The following BIRC6 variants were observed in gnomAD, a reference collection of about 807,000 sequenced individuals.
BIRC6 encodes the protein baculoviral IAP repeat containing 6.
A neutral mutation model predicts 503.3 loss-of-function variants in BIRC6; 98 were observed. That is an observed-to-expected ratio of 0.19 (90% CI 0.17 to 0.23). The LOEUF (loss-of-function observed/expected upper bound fraction) is 0.23. Among genes scored for constraint, BIRC6 ranks in the 10% least tolerant of loss-of-function variants. The pLI, the probability that BIRC6 is intolerant of heterozygous loss-of-function variation, is 1.00. For missense variants in BIRC6, 5,360 were observed against 5,806.0 expected (o/e 0.92, Z 2.50); for synonymous variants, 2,240 against 2,078.7 (o/e 1.08, Z -2.11).
intron 51 of BIRC6, 66 bp from the exon 52 acceptor site, chr2:32,509,672 T>G (rs1572705068): frequency 1.3e-6 from 2 of 1,567,058 alleles, no homozygotes; most frequent in African/African-American, 1.4e-5. Flanking sequence ...CTTTAAAAAG[T>G]TATGTTCTAC....
chr2:32,415,544 A>G lies in BIRC6; in HGVS notation c.2253A>G (p.Thr751=). The G allele has an allele frequency of 1.9e-6, 3 of 1,614,040 alleles. No homozygotes were observed. The highest frequency in any genetic ancestry group is 2.5e-6 in the Non-Finnish European group (3 of 1,179,910). Residue 751 remains threonine, a synonymous_variant, in exon 10 of 74, where the codon ACA becomes ACG. Transcript: ENST00000421745. ...DGIHLLVGLR[T]CPVESLSAIN... Reference sequence around the variant, plus strand: ...TTCATTTGTTGGTAGGACTGCGGACATGCCCTGTTGAATCCTTGAGTGCAA... The same window carrying G: ...TTCATTTGTTGGTAGGACTGCGGACGTGCCCTGTTGAATCCTTGAGTGCAA...
At chr2:32,556,442 C>G (rs1489330575) in intron 65 of BIRC6, among the ~76,000 whole-genome samples, 1 of 152,164 alleles carries the variant, frequency 6.6e-6, no homozygotes, top group Admixed American at 6.5e-5. Flanking sequence ...ATATTGTCAC[C>G]TTTCACACTG....
chr2:32,369,497 G>T (rs559939266), intron 1 of BIRC6, among the ~76,000 whole-genome samples: 1 of 146,640 alleles, frequency 6.8e-6, no homozygotes, highest in Non-Finnish European at 1.5e-5. Flanking sequence ...GTGTGATCTC[G>T]GCTCACTACA....
At chr2:32,465,415 T>C (rs971712370) in intron 26 of BIRC6, among the ~76,000 whole-genome samples, 7 of 152,084 alleles carry the variant, frequency 4.6e-5, no homozygotes, top group African/African-American at 1.2e-4. Flanking sequence ...TGATACATTA[T>C]TGACATAAAT....
rs547339120 is a variant in BIRC6 at position 32,357,106 on chromosome 2, T to C, written c.-56T>C. The C allele has an allele frequency of 6.5e-6, 9 of 1,385,396 alleles. No homozygotes were observed. In the South Asian group the frequency reaches 1.1e-4, roughly 16 times the overall value. The allele number at this position is 1,385,396 out of a possible 1,614,324, so 85.8% of individuals were successfully genotyped here. A position where few individuals can be genotyped will look rare whatever the true frequency, so the allele number is the denominator to read the frequency against. On this transcript the variant is annotated 5_prime_UTR_variant, in exon 1 of 74. Coordinates refer to ENST00000421745, the MANE Select transcript of BIRC6 (RefSeq NM_016252.4). The surrounding 1 kb of genome is among the most constrained non-coding windows in gnomAD (Gnocchi z 4.9). Reference sequence around the variant, plus strand: ...CCGGGCGATCGACGTTCCGCGTGCGTGCGGGCGCCTGACTTCACTTCCGGC... The same window carrying C: ...CCGGGCGATCGACGTTCCGCGTGCGCGCGGGCGCCTGACTTCACTTCCGGC...
At chr2:32,528,315 C>T (rs1260604162) in intron 59 of BIRC6, 1 of 152,300 alleles carries the variant, frequency 6.6e-6, no homozygotes, top group East Asian at 1.9e-4. Flanking sequence ...CCTCCGCCTC[C>T]TGGGTTCAAG....
intron 57 of BIRC6, chr2:32,522,417 T>C (rs1464820466): frequency 1.3e-5 from 2 of 152,154 alleles, no homozygotes; most frequent in African/African-American, 2.4e-5. Context: ...TCTTTGTAAG[T>C]AGGATCAGAG....
At chr2:32,591,077 A>G (rs1271425746) in intron 66 of BIRC6, 2 of 686,780 alleles carry the variant, frequency 2.9e-6, no homozygotes, top group Non-Finnish European at 3.6e-6. Context: ...ATGTCAGACA[A>G]TGACTAGTTA....
chr2:32,584,803 A>G (rs1040196731), intron 66 of BIRC6, among the ~76,000 whole-genome samples: 1 of 152,268 alleles, frequency 6.6e-6, no homozygotes, highest in Non-Finnish European at 1.5e-5. Flanking sequence ...GAAGAAAAAA[A>G]CTTAGTATTC....
At chr2:32,381,191 C>G (rs577427751) in intron 3 of BIRC6, among the ~76,000 whole-genome samples, 1 of 152,128 alleles carries the variant, frequency 6.6e-6, no homozygotes, top group Non-Finnish European at 1.5e-5. Context: ...GCAGTTGTAA[C>G]TATACTAAAA....
intron 23 of BIRC6, among the ~76,000 whole-genome samples, chr2:32,457,629 AT>A (rs2047396703): frequency 6.6e-6 from 1 of 152,012 alleles, no homozygotes; most frequent in East Asian, 1.9e-4. Flanking sequence ...CATTATTATA[AT>A]TTTTTATATT....
chr2:32,569,616 C>A (rs931936367), intron 65 of BIRC6, among the ~76,000 whole-genome samples: 1 of 151,996 alleles, frequency 6.6e-6, no homozygotes, highest in African/African-American at 2.4e-5. Flanking sequence ...GAGCTGTCTT[C>A]CAGCCTGGAC....
At chr2:32,399,310 T>C (rs575883475) in intron 6 of BIRC6, among the ~76,000 whole-genome samples, 14 of 152,350 alleles carry the variant, frequency 9.2e-5, no homozygotes, top group African/African-American at 3.4e-4. Context: ...GGTCTGGAAC[T>C]CCTGACCTCA....
intron 15 of BIRC6, among the ~76,000 whole-genome samples, chr2:32,437,905 TGA>T (rs2044913297): frequency 6.6e-6 from 1 of 152,216 alleles, no homozygotes; most frequent in Admixed American, 6.5e-5. Context: ...TTTTGTTCAA[TGA>T]GAGTGTGCAT....
chr2:32,581,986 G>A (rs941694709), intron 66 of BIRC6, among the ~76,000 whole-genome samples: 1 of 152,048 alleles, frequency 6.6e-6, no homozygotes, highest in African/African-American at 2.4e-5. Context: ...AGCCTCCCCA[G>A]TAGCTGGGAT....
At chr2:32,544,786 G>A (rs2057938241) in intron 62 of BIRC6, among the ~76,000 whole-genome samples, 2 of 151,192 alleles carry the variant, frequency 1.3e-5, no homozygotes, top group South Asian at 2.1e-4. Flanking sequence ...TGGCATATAA[G>A]TGGGCCCATG....
rs561754984 is a variant in BIRC6, at chr2:32,393,498, T to C, written c.951+1348T>C. ...CTTATATGTCAGTTTAAATAAAGCA[T>C]GGTTATTTAACTTTATTTATTTATT... On this transcript the variant is annotated intron_variant, in intron 5 of 73. Transcript: ENST00000421745. Among the ~76,000 whole-genome samples the C allele has an allele frequency of 5.3e-5, 8 of 152,318 alleles. No individual in the cohort carries two copies. The South Asian group carries it at 1.7e-3, about 32-fold the overall frequency.
chr2:32,594,702 A>AGAGG (rs139807390), intron 67 of BIRC6, among the ~76,000 whole-genome samples: 63 of 149,078 alleles, frequency 4.2e-4, no homozygotes, highest in African/African-American at 1.5e-3. Flanking sequence ...GTTTCCAGAT[A>AGAGG]GATGGATGGA....
intron 69 of BIRC6, 66 bp from the exon 70 acceptor site, chr2:32,599,673 G>C (rs1258176194): frequency 6.7e-7 from 1 of 1,488,986 alleles, no homozygotes; most frequent in Non-Finnish European, 9.3e-7. Context: ...ATGTTGGATT[G>C]TATTTTTCTA....
Sources: gnomAD v4.1 joint callset for allele counts (sites outside exome capture counted in the v4.1 genomes callset) on GRCh38, gnomAD v4.1.1 for gene constraint, Gnocchi (gnomAD v3.1) non-coding constraint, MANE v1.5 for transcripts, NCBI Gene and HGNC (gene_info 2026-07-23, HGNC 2026-07-21) for gene names.